The following NT5E variants were observed in gnomAD, a reference collection of about 807,000 sequenced individuals.
NT5E encodes 5'-nucleotidase ecto.
A neutral mutation model predicts 55.1 loss-of-function variants in NT5E; 53 were observed. The observed-to-expected ratio is 0.96, with a 90% CI of 0.77 to 1.21. The LOEUF is 1.21. Among genes scored for constraint, NT5E ranks in the 50% most tolerant of loss-of-function variants. The probability of loss-of-function intolerance (pLI) is 0.00; values close to 1 mark genes in which losing one functional copy is unlikely to be tolerated. For synonymous variants in NT5E, 270 were observed against 278.4 expected (o/e 0.97, Z 0.30); for missense variants, 683 against 724.3 (o/e 0.94, Z 0.65).
In NT5E at chr6:85,450,686, A is replaced by G. The variant is rs1768836682; in HGVS notation, c.339+208A>G. Among the ~76,000 whole-genome samples, 1 of 152,168 alleles carries G rather than the reference A, an allele frequency of 6.6e-6. No individual in the cohort carries two copies. Among genetic ancestry groups the G allele is most frequent in the South Asian group, 2.1e-4 (1 of 4,826 alleles). The stretch of plus-strand genomic sequence containing the variant: ...AAACGGACGTTATTGCGCCCCCACT[A>G]TGAGATGGGAGTATTTAGAGGAGCA... On this transcript the variant is annotated intron_variant, in intron 1 of 8. Transcript: ENST00000257770. The surrounding 1 kb of genome is among the most constrained non-coding windows in gnomAD (Gnocchi z 4.0).
At position 85,493,843 on chromosome 6, in the gene NT5E, G is replaced by A; in HGVS notation, c.1564G>A (p.Asp522Asn). The A allele has an allele frequency of 6.2e-7, 1 of 1,611,948 alleles. No homozygotes were observed. Among genetic ancestry groups the A allele is most frequent in the Non-Finnish European group, 8.5e-7 (1 of 1,178,198 alleles). ...AAATAATGTATATGTTTTTCTAGGT[G>A]ACCAAGATATCAACGTGGTTTCTAC... Reference protein sequence around the residue: ...KDELLRHDSGDQDINVVSTYI... With the variant: ...KDELLRHDSGNQDINVVSTYI... Residue 522 changes from aspartate (D) to asparagine (N), a missense_variant and splice_region_variant, in exon 9 of 9, where the codon GAC (aspartate) becomes AAC (asparagine). By Grantham distance (23) the Asp-to-Asn change is conservative. Coordinates refer to ENST00000257770, the MANE Select transcript of NT5E (RefSeq NM_002526.4).
chr6:85,464,923 A>C (rs2127756081), intron 1 of NT5E, among the ~76,000 whole-genome samples: 1 of 152,310 alleles, frequency 6.6e-6, no homozygotes, highest in South Asian at 2.1e-4. Flanking sequence ...GGGCCAAGAC[A>C]GTGAGTCACA....
chr6:85,471,326 C>G lies in NT5E; in HGVS notation c.652C>G (p.Leu218Val). The G allele has an allele frequency of 6.2e-7, 1 of 1,613,172 alleles. No homozygotes were observed. Among genetic ancestry groups the G allele is most frequent in the Non-Finnish European group, 8.5e-7 (1 of 1,179,338 alleles). The change falls in exon 3 of 9, where the codon CTG becomes GTG. Residue 218 changes from leucine (L) to valine (V), a missense_variant. By Grantham distance (32) the Leu-to-Val change is conservative (BLOSUM62 1). Transcript: ENST00000257770. Reference protein sequence around the residue: ...KTLNVNKIIALGHSGFEMDKL... With the variant: ...KTLNVNKIIAVGHSGFEMDKL... ...TCTAAATGTGAACAAAATTATTGCA[C>G]TGGGACATTCGGGTTTTGAAATGGA...
chr6:85,469,547 G>A (rs765592339), intron 2 of NT5E, among the ~76,000 whole-genome samples: 1 of 152,194 alleles, frequency 6.6e-6, no homozygotes, highest in African/African-American at 2.4e-5. Flanking sequence ...AGTGCAGCAG[G>A]GGGGAAGGTA....
At chr6:85,463,728 G>A (rs1379928426) in intron 1 of NT5E, among the ~76,000 whole-genome samples, 3 of 152,188 alleles carry the variant, frequency 2.0e-5, no homozygotes, top group Non-Finnish European at 4.4e-5. Flanking sequence ...TTGAGTGCCT[G>A]CAGTATGCCT....
intron 3 of NT5E, among the ~76,000 whole-genome samples, chr6:85,481,480 G>A (rs749561935): frequency 1.3e-5 from 2 of 152,148 alleles, no homozygotes; most frequent in Non-Finnish European, 2.9e-5. Context: ...CCCTTGAGTC[G>A]AGTCAGGCTT....
rs541119146 is a variant in NT5E at position 85,492,604 on chromosome 6, C to T, written c.1561+427C>T. 9.9e-4 allele frequency among the ~76,000 whole-genome samples: 151 copies of T among 152,212 alleles called. 2 individuals carry two copies. The South Asian group carries it at 0.03, about 30-fold the overall frequency. The stretch of plus-strand genomic sequence containing the variant: ...AGGTAGAAGTGGATGGGGTGAGCGC[C>T]GCCCTTTCAGCACAGTGGGTTGGTG... On this transcript the variant is annotated intron_variant, in intron 8 of 8. Coordinates refer to ENST00000257770, the MANE Select transcript of NT5E (RefSeq NM_002526.4).
chr6:85,493,576 C>G (rs1177589817), intron 8 of NT5E, among the ~76,000 whole-genome samples: 1 of 152,174 alleles, frequency 6.6e-6, no homozygotes. Flanking sequence ...GCTATGATGT[C>G]AATGACCTCT....
chr6:85,492,847 T>C (rs1769814551), intron 8 of NT5E, among the ~76,000 whole-genome samples: 1 of 152,208 alleles, frequency 6.6e-6, no homozygotes, highest in Admixed American at 6.5e-5. Flanking sequence ...TCTGGGTAGT[T>C]CCACCAGGAT....
At position 85,471,505 on chromosome 6, in the gene NT5E, C is replaced by T. The variant is rs1051307021; in HGVS notation, c.751+80C>T. On this transcript the variant is annotated intron_variant, in intron 3 of 8. Coordinates refer to ENST00000257770, the MANE Select transcript of NT5E (RefSeq NM_002526.4). The stretch of plus-strand genomic sequence containing the variant: ...TCTTTTGCCTTTGTAACTGTTATTA[C>T]TCTTTTTACTGCTATTTAATATGTA... The T allele has an allele frequency of 1.6e-5, 17 of 1,074,832 alleles. No homozygotes were observed. In the African/African-American group the frequency reaches 2.5e-4, roughly 16 times the overall value. The allele number at this position is 1,074,832 out of a possible 1,614,324, so 66.6% of individuals were successfully genotyped here.
intron 3 of NT5E, among the ~76,000 whole-genome samples, chr6:85,477,640 T>A (rs1181739389): frequency 2.0e-5 from 3 of 152,242 alleles, no homozygotes; most frequent in East Asian, 3.8e-4. Context: ...TCATTATTCA[T>A]CTCTCCATTA....
chr6:85,462,593 C>T (rs1303542724), intron 1 of NT5E, among the ~76,000 whole-genome samples: 3 of 152,198 alleles, frequency 2.0e-5, no homozygotes, highest in Non-Finnish European at 4.4e-5. Flanking sequence ...TGTCTGTTCA[C>T]ACATCAGATT....
intron 3 of NT5E, 34 bp downstream of exon 3, chr6:85,471,459 T>C (rs1019238629): frequency 3.1e-6 from 5 of 1,593,610 alleles, no homozygotes; most frequent in Non-Finnish European, 4.3e-6. Flanking sequence ...TGGGCCAGGA[T>C]GTCCAGATAA....
chr6:85,487,225 T>G, intron 4 of NT5E, 110 bp from the exon 5 acceptor site: 1 of 1,053,386 alleles, frequency 9.5e-7, no homozygotes. Flanking sequence ...ACAAATATGG[T>G]AAACAAATAT....
At chr6:85,454,112 T>C (rs908151187) in intron 1 of NT5E, among the ~76,000 whole-genome samples, 36 of 152,282 alleles carry the variant, frequency 2.4e-4, no homozygotes, top group African/African-American at 8.7e-4. Context: ...ACCCATCTGC[T>C]CCCTGGCTGA....
intron 7 of NT5E, chr6:85,491,312 A>G: frequency 3.0e-6 from 1 of 328,510 alleles, no homozygotes; most frequent in Non-Finnish European, 6.0e-6. Context: ...AAGCAATCTT[A>G]TTTTACCTGG....
intron 1 of NT5E, among the ~76,000 whole-genome samples, chr6:85,465,828 A>G (rs189384099): frequency 6.6e-6 from 1 of 152,334 alleles, no homozygotes; most frequent in Non-Finnish European, 1.5e-5. Flanking sequence ...CTAACATGCC[A>G]TTACAGAGTA....
chr6:85,493,073 G>A (rs559767658), intron 8 of NT5E, among the ~76,000 whole-genome samples: 32 of 152,302 alleles, frequency 2.1e-4, no homozygotes, highest in East Asian at 1.9e-4. Flanking sequence ...AGCCTAGACT[G>A]AAGGATGTTA....
rs1037304974 is a variant in NT5E, at chr6:85,451,626, CT to C, written c.339+1149del. On this transcript the variant is annotated intron_variant, in intron 1 of 8. Coordinates refer to ENST00000257770, the MANE Select transcript of NT5E (RefSeq NM_002526.4). ...AAAAAGAGCTTTGGAAGAGGAAGAA[CT>C]GAGAAATCTCCAGAGAAACGTCCAG... Among the ~76,000 whole-genome samples the C allele has an allele frequency of 9.2e-5, 14 of 152,224 alleles. 1 individual carries two copies. The highest frequency in any genetic ancestry group is 6.8e-3 in the Middle Eastern group (2 of 294).
Sources: gnomAD v4.1 joint callset for allele counts (sites outside exome capture counted in the v4.1 genomes callset) on GRCh38, gnomAD v4.1.1 for gene constraint, Gnocchi (gnomAD v3.1) non-coding constraint, MANE v1.5 for transcripts, NCBI Gene and HGNC (gene_info 2026-07-23, HGNC 2026-07-21) for gene names.